Variants in ABHD2 observed in about 807,000 individuals in gnomAD.
ABHD2 encodes the protein abhydrolase domain containing 2, acylglycerol lipase.
In ABHD2, 20 loss-of-function variants were observed where a neutral mutation model predicts 48.1. The observed-to-expected ratio is 0.42, with a 90% CI of 0.29 to 0.60. The LOEUF is 0.60. Among genes scored for constraint, ABHD2 ranks in the 20% least tolerant of loss-of-function variants. The pLI is 0.24. For synonymous variants in ABHD2, 209 were observed against 214.2 expected (o/e 0.98, Z 0.21); for missense variants, 405 against 550.9 (o/e 0.74, Z 2.65).
Position 89,201,986 on chromosome 15 carries a change from T to C in ABHD2, c.*6563T>C. The C allele has an allele frequency of 2.1e-6, 1 of 476,348 alleles. No homozygotes were observed. Among genetic ancestry groups the C allele is most frequent in the Non-Finnish European group, 3.8e-6 (1 of 266,074 alleles). The allele number at this position is 476,348 out of a possible 1,614,324, so 29.5% of individuals were successfully genotyped here. ...AGCACCATCACTTTCACATTCCTGATTCTGATTTTGTTTTGTTTTGTTTGG... is the reference window on the plus strand; with the variant it reads ...AGCACCATCACTTTCACATTCCTGACTCTGATTTTGTTTTGTTTTGTTTGG... On this transcript the variant is annotated 3_prime_UTR_variant, in exon 11 of 11. Transcript: ENST00000352732.
At chr15:89,062,383 GT>G in the ABHD2 span, among the ~76,000 whole-genome samples, 1 of 151,856 alleles carries the variant, frequency 6.6e-6, no homozygotes, top group Admixed American at 6.6e-5. Context: ...TTTTTGTTTT[GT>G]TTTTTGTTTT....
chr15:89,059,994 C>T, the ABHD2 span, among the ~76,000 whole-genome samples: 165 of 151,534 alleles, frequency 1.1e-3, 1 homozygote, highest in Middle Eastern at 3.4e-3. Context: ...GCAGCCTTTT[C>T]CATTCAAAGC....
intron 6 of ABHD2, among the ~76,000 whole-genome samples, chr15:89,181,228 C>CAGAA (rs2051106717): frequency 1.4e-5 from 1 of 69,176 alleles, no homozygotes; most frequent in Non-Finnish European, 2.5e-5. Context: ...GACTCTGTCT[C>CAGAA]AAAAAAAAAA....
intron 3 of ABHD2, among the ~76,000 whole-genome samples, chr15:89,121,457 G>C (rs1048186770): frequency 1.3e-5 from 2 of 149,814 alleles, no homozygotes; most frequent in African/African-American, 5.0e-5. Flanking sequence ...TCTCCCTTTG[G>C]CTTTTTTTTT....
In ABHD2 at chr15:89,195,550, C is replaced by T. The variant is rs949857118; in HGVS notation, c.*127C>T. 7.4e-6 allele frequency: 7 copies of T among 944,556 alleles called. No individual in the cohort carries two copies. The highest frequency in any genetic ancestry group is 1.1e-5 in the Non-Finnish European group (7 of 653,970). 58.5% of individuals were successfully genotyped at this position (944,556 alleles called of 1,614,324 possible). A position where few individuals can be genotyped will look rare whatever the true frequency, so the allele number is the denominator to read the frequency against. ...CCTCACACCATCAGCAGGGGGCACCCACCATGCACACCTGTCTCGGAGTAG... is the reference window on the plus strand; with the variant it reads ...CCTCACACCATCAGCAGGGGGCACCTACCATGCACACCTGTCTCGGAGTAG... On this transcript the variant is annotated 3_prime_UTR_variant, in exon 11 of 11. Transcript: ENST00000352732. This position sits in a 1 kb window ranked among gnomAD's most constrained non-coding sequence, Gnocchi z 5.1.
rs1247524862 is a variant in ABHD2 at position 89,091,307 on chromosome 15, C to G, written c.-107+2744C>G. 6.6e-6 allele frequency among the ~76,000 whole-genome samples: 1 copy of G among 152,226 alleles called. No individual in the cohort carries two copies. The highest frequency in any genetic ancestry group is 2.1e-4 in the South Asian group (1 of 4,834). ...TTCTAGATTGAACCAAAGATTATCA[C>G]TTCATTAAATGGCACCTTCTCATGC... On this transcript the variant is annotated intron_variant, in intron 1 of 10. Transcript: ENST00000352732. This position sits in a 1 kb window ranked among gnomAD's most constrained non-coding sequence, Gnocchi z 5.5.
At chr15:89,133,416 TG>T (rs1185759343) in intron 3 of ABHD2, among the ~76,000 whole-genome samples, 3 of 152,244 alleles carry the variant, frequency 2.0e-5, no homozygotes. Context: ...GTGGAACTAC[TG>T]GGTCAAAGGG....
intron 8 of ABHD2, among the ~76,000 whole-genome samples, chr15:89,190,001 G>A (rs1308492665): frequency 2.0e-5 from 3 of 152,124 alleles, no homozygotes; most frequent in African/African-American, 4.8e-5. Context: ...GACTGCAAAC[G>A]AACTGATTTC....
chr15:89,179,214 G>A lies in ABHD2; in HGVS notation c.722+3219G>A, dbSNP rs946349108. Among the ~76,000 whole-genome samples, 3 of 152,210 alleles carry A rather than the reference G, an allele frequency of 2.0e-5. No individual in the cohort carries two copies. Among genetic ancestry groups the A allele is most frequent in the African/African-American group, 7.2e-5 (3 of 41,442 alleles). On this transcript the variant is annotated intron_variant, in intron 6 of 10. Coordinates refer to ENST00000352732, the MANE Select transcript of ABHD2 (RefSeq NM_152924.5). This position sits in a 1 kb window ranked among gnomAD's most constrained non-coding sequence, Gnocchi z 4.3. ...CACAGGGCCCAGGCCAGGGGCAGAA[G>A]CCCCTTACAGCAGGGGTCCCAACTG...
At chr15:89,143,235 T>C (rs1471548143) in intron 3 of ABHD2, among the ~76,000 whole-genome samples, 1 of 152,240 alleles carries the variant, frequency 6.6e-6, no homozygotes, top group Non-Finnish European at 1.5e-5. Context: ...CTTCTGTCAA[T>C]TTTTAGACAA....
chr15:89,148,641 C>T (rs1016074858), intron 3 of ABHD2, among the ~76,000 whole-genome samples: 4 of 152,202 alleles, frequency 2.6e-5, no homozygotes, highest in Non-Finnish European at 4.4e-5. Context: ...CAAAAGCAGC[C>T]ATATCTCCTA....
chr15:89,054,221 CT>C, the ABHD2 span, among the ~76,000 whole-genome samples: 3 of 150,996 alleles, frequency 2.0e-5, no homozygotes, highest in Non-Finnish European at 4.4e-5. Context: ...ACTCGGGAGG[CT>C]GAGGCAGGAG....
chr15:89,047,177 G>A, the ABHD2 span, among the ~76,000 whole-genome samples: 1 of 152,094 alleles, frequency 6.6e-6, no homozygotes, highest in Non-Finnish European at 1.5e-5. Flanking sequence ...TCAAGAGCAG[G>A]TTGTTCAGTT....
chr15:89,076,701 C>T, the ABHD2 span, among the ~76,000 whole-genome samples: 3 of 152,236 alleles, frequency 2.0e-5, no homozygotes, highest in African/African-American at 7.2e-5. Flanking sequence ...CCAGGCCAGT[C>T]TCAAACTCCT....
At chr15:89,078,425 C>G in the ABHD2 span, among the ~76,000 whole-genome samples, 2 of 152,210 alleles carry the variant, frequency 1.3e-5, no homozygotes, top group African/African-American at 4.8e-5. Context: ...AACTGAGTCA[C>G]ACAAAAACTG....
At chr15:89,105,612 G>A (rs1268542376) in intron 1 of ABHD2, among the ~76,000 whole-genome samples, 6 of 152,216 alleles carry the variant, frequency 3.9e-5, no homozygotes. Flanking sequence ...ACTAAATTGT[G>A]TGTGACTTGA....
chr15:89,067,498 C>G, the ABHD2 span, among the ~76,000 whole-genome samples: 1 of 152,124 alleles, frequency 6.6e-6, no homozygotes, highest in African/African-American at 2.4e-5. Context: ...GTCCAAGCCA[C>G]AAGGGGTTTT....
the ABHD2 span, among the ~76,000 whole-genome samples, chr15:89,061,762 C>T: frequency 2.6e-5 from 4 of 152,110 alleles, no homozygotes; most frequent in Middle Eastern, 3.4e-3. Flanking sequence ...TCTGTAGAAA[C>T]GGGGTTTTGC....
intron 3 of ABHD2, among the ~76,000 whole-genome samples, chr15:89,119,043 CT>C (rs1287345104): frequency 6.6e-6 from 1 of 152,146 alleles, no homozygotes; most frequent in East Asian, 1.9e-4. Context: ...ATGGAGCCCC[CT>C]GGTCATTGGC....
Sources: gnomAD v4.1 joint callset for allele counts (sites outside exome capture counted in the v4.1 genomes callset) on GRCh38, gnomAD v4.1.1 for gene constraint, Gnocchi (gnomAD v3.1) non-coding constraint, MANE v1.5 for transcripts, NCBI Gene and HGNC (gene_info 2026-07-23, HGNC 2026-07-21) for gene names.